Variants in CDKL2 observed in about 807,000 individuals in gnomAD.
CDKL2 encodes cyclin-dependent kinase-like 2.
CDKL2 carries 64 observed loss-of-function variants against 63.9 expected under a neutral mutation model. That is an observed-to-expected ratio of 1.00 (90% CI 0.82 to 1.23). CDKL2 has a LOEUF of 1.23. Among genes scored for constraint, CDKL2 ranks in the 50% most tolerant of loss-of-function variants. The pLI, the probability that CDKL2 is intolerant of heterozygous loss-of-function variation, is 0.00. For synonymous variants in CDKL2, 211 were observed against 229.2 expected (o/e 0.92, Z 0.72); for missense variants, 656 against 668.0 (o/e 0.98, Z 0.20).
chr4:75,611,779 C>T (rs1464805061), intron 3 of CDKL2, among the ~76,000 whole-genome samples: 1 of 151,474 alleles, frequency 6.6e-6, no homozygotes, highest in African/African-American at 2.4e-5. Flanking sequence ...CTCAGCCTTC[C>T]GAGTAGCTGG....
chr4:75,628,535 C>A (rs1560598856), intron 1 of CDKL2, among the ~76,000 whole-genome samples: 1 of 152,028 alleles, frequency 6.6e-6, no homozygotes, highest in South Asian at 2.1e-4. Flanking sequence ...TGCTTTCGTA[C>A]AGAAAAAAAT....
At chr4:75,628,977 T>C (rs1372281180) in intron 1 of CDKL2, among the ~76,000 whole-genome samples, 1 of 152,202 alleles carries the variant, frequency 6.6e-6, no homozygotes, top group East Asian at 1.9e-4. Context: ...TAGATTCTAC[T>C]ACAAACTTTT....
At chr4:75,592,305 G>A (rs954980047) in intron 10 of CDKL2, 36 bp from the exon 11 acceptor site, 2 of 1,486,638 alleles carry the variant, frequency 1.3e-6, no homozygotes, top group African/African-American at 2.8e-5. Flanking sequence ...AAAAGAATTA[G>A]TTTCAAGGTT....
At chr4:75,615,858 G>A (rs565836297) in intron 2 of CDKL2, among the ~76,000 whole-genome samples, 60 of 152,050 alleles carry the variant, frequency 3.9e-4, no homozygotes, top group African/African-American at 1.3e-3. Context: ...TGGTGTGGTT[G>A]GGCACACCTC....
At chr4:75,586,800 T>C (rs1375385593) in intron 12 of CDKL2, among the ~76,000 whole-genome samples, 2 of 152,146 alleles carry the variant, frequency 1.3e-5, no homozygotes, top group African/African-American at 4.8e-5. Context: ...TATCAAAAGC[T>C]GTGGGATGAA....
rs767046876 is a variant in CDKL2, at chr4:75,596,234, A to G, written c.1416+13T>C. 6.7e-7 allele frequency: 1 copy of G among 1,492,122 alleles called. No homozygotes were observed. The highest frequency in any genetic ancestry group is 2.3e-5 in the East Asian group (1 of 44,254). 92.4% of individuals were successfully genotyped at this position (1,492,122 alleles called of 1,614,324 possible). On this transcript the variant is annotated intron_variant, in intron 10 of 13. Coordinates refer to ENST00000307465, the MANE Select transcript of CDKL2 (RefSeq NM_001330724.2). ...GGTGTTTGCTCTTCTACTACTGAGA[A>G]CTGCTTACTTACTAATGTGGTCACA...
rs774266160 is a variant in CDKL2 at position 75,607,296 on chromosome 4, G to A, written c.429C>T (p.Cys143=). The change falls in exon 4 of 14, where the codon TGC becomes TGT. Residue 143 remains cysteine, a synonymous_variant. Coordinates refer to ENST00000307465, the MANE Select transcript of CDKL2 (RefSeq NM_001330724.2). The stretch of plus-strand genomic sequence containing the variant: ...CCAATGTTCGCGCAAATCCAAAATC[G>A]CATAGCTTGACAACGCCAGACTGGG... ...LVSQSGVVKL[C]DFGFARTLAA... 8.1e-6 allele frequency: 13 copies of A among 1,613,806 alleles called. No individual in the cohort carries two copies. In the African/African-American group the frequency reaches 9.3e-5, roughly 12 times the overall value.
chr4:75,594,827 G>A (rs551356411), intron 10 of CDKL2, among the ~76,000 whole-genome samples: 2 of 152,332 alleles, frequency 1.3e-5, no homozygotes, highest in African/African-American at 4.8e-5. Flanking sequence ...AATCAGTGTG[G>A]TAGAACAGAT....
chr4:75,615,986 C>A (rs1729908803), intron 2 of CDKL2, among the ~76,000 whole-genome samples: 1 of 151,742 alleles, frequency 6.6e-6, no homozygotes, highest in Admixed American at 6.6e-5. Flanking sequence ...AGCAACAGAG[C>A]AAGACCTTAT....
chr4:75,610,288 T>C (rs904501969), intron 3 of CDKL2, among the ~76,000 whole-genome samples: 2 of 152,070 alleles, frequency 1.3e-5, no homozygotes, highest in African/African-American at 4.8e-5. Flanking sequence ...AGTACAGCCA[T>C]AGACAACTCA....
intron 5 of CDKL2, among the ~76,000 whole-genome samples, chr4:75,604,999 A>T (rs575844320): frequency 5.9e-5 from 9 of 152,186 alleles, no homozygotes; most frequent in African/African-American, 2.2e-4. Flanking sequence ...CTCCGTCTCA[A>T]AAAATAAAAA....
At chr4:75,583,686 T>C (rs900529968) in intron 12 of CDKL2, among the ~76,000 whole-genome samples, 1 of 152,194 alleles carries the variant, frequency 6.6e-6, no homozygotes, top group African/African-American at 2.4e-5. Flanking sequence ...TTTATAGGTA[T>C]GTCAACCTCA....
At chr4:75,592,499 T>C (rs548109719) in intron 10 of CDKL2, among the ~76,000 whole-genome samples, 3 of 152,282 alleles carry the variant, frequency 2.0e-5, no homozygotes, top group African/African-American at 7.2e-5. Context: ...GTGCTATGAG[T>C]TTCTCCTTCT....
intron 13 of CDKL2, among the ~76,000 whole-genome samples, chr4:75,579,476 C>T (rs1728164252): frequency 6.6e-6 from 1 of 152,106 alleles, no homozygotes; most frequent in Non-Finnish European, 1.5e-5. Flanking sequence ...GAGTTCAAGA[C>T]CAGCCTGACC....
rs376055649 is a variant in CDKL2, at chr4:75,598,185, T to C, written c.912A>G (p.Val304=). Residue 304 remains valine (V), a synonymous_variant, in exon 8 of 14, where the codon GTA becomes GTG. Transcript: ENST00000307465. ...ERFSQELQLK[V]QKDARNVSLS... Reference sequence around the variant, plus strand: ...AAGAAACATTTCTGGCATCTTTCTGTACTTTTAACTGTAGTTCTTGGGAAA... The same window carrying C: ...AAGAAACATTTCTGGCATCTTTCTGCACTTTTAACTGTAGTTCTTGGGAAA... The C allele has an allele frequency of 3.7e-5, 55 of 1,502,136 alleles. No individual in the cohort carries two copies. In the African/African-American group the frequency reaches 5.7e-4, roughly 16 times the overall value. The allele number at this position is 1,502,136 out of a possible 1,614,324, so 93.1% of individuals were successfully genotyped here.
chr4:75,614,502 T>C (rs1378177090), intron 2 of CDKL2, 53 bp from the exon 3 acceptor site: 4 of 1,144,282 alleles, frequency 3.5e-6, no homozygotes, highest in Non-Finnish European at 5.0e-6. Context: ...AAATAGTTTA[T>C]ATAAACTAAG....
chr4:75,622,986 A>T (rs900688456), intron 2 of CDKL2, among the ~76,000 whole-genome samples: 1 of 152,124 alleles, frequency 6.6e-6, no homozygotes, highest in Non-Finnish European at 1.5e-5. Flanking sequence ...ATAAAAACTT[A>T]CAAACTAGGC....
intron 3 of CDKL2, among the ~76,000 whole-genome samples, chr4:75,609,240 A>G (rs978481704): frequency 3.3e-5 from 5 of 152,316 alleles, no homozygotes; most frequent in Admixed American, 6.5e-5. Context: ...AGAGTAAACA[A>G]AAACATTAGT....
At chr4:75,585,204 G>A (rs1432387083) in intron 12 of CDKL2, among the ~76,000 whole-genome samples, 2 of 152,148 alleles carry the variant, frequency 1.3e-5, no homozygotes, top group Admixed American at 6.5e-5. Flanking sequence ...ATAAAGAGAG[G>A]CATTTCATAA....
Sources: gnomAD v4.1 joint callset for allele counts (sites outside exome capture counted in the v4.1 genomes callset) on GRCh38, gnomAD v4.1.1 for gene constraint, MANE v1.5 for transcripts, NCBI Gene and HGNC (gene_info 2026-07-23, HGNC 2026-07-21) for gene names.